The following CKAP5 variants were observed in gnomAD, a reference collection of about 807,000 sequenced individuals.
CKAP5 encodes the protein cytoskeleton-associated protein 5.
In CKAP5, 27 loss-of-function variants were observed where a neutral mutation model predicts 232.8. That is an observed-to-expected ratio of 0.12 (90% CI 0.09 to 0.16). The LOEUF is 0.16. CKAP5 is among the 10% of genes least tolerant of loss of function. CKAP5 has a pLI of 1.00. For missense variants in CKAP5, 1,838 were observed against 2,424.7 expected, an observed-to-expected ratio of 0.76 and a Z score of 5.08; for synonymous variants, 785 against 841.1, an observed-to-expected ratio of 0.93 and a Z score of 1.16.
chr11:46,767,206 G>A (rs1258196149), intron 27 of CKAP5, among the ~76,000 whole-genome samples: 2 of 152,130 alleles, frequency 1.3e-5, no homozygotes, highest in African/African-American at 4.8e-5. Flanking sequence ...TTTTAGGAGA[G>A]ACAGGGTTTC....
Position 46,770,828 on chromosome 11 carries a change from A to G in CKAP5, c.3146T>C (p.Leu1049Ser), listed in dbSNP as rs746654385. 4.3e-6 allele frequency: 7 copies of G among 1,614,076 alleles called. No homozygotes were observed. The highest frequency in any genetic ancestry group is 5.9e-6 in the Non-Finnish European group (7 of 1,180,014). ...AGCCTTGGCCATTTTTTCATATCCT[A>G]AATGCATCATGAAGAATGGCAAGGC... ...QDALPFFMMHLGYEKMAKATG... is the reference protein window; with the variant it reads ...QDALPFFMMHSGYEKMAKATG... The change falls in exon 25 of 44, where the codon TTA becomes TCA. Residue 1049 changes from leucine to serine, a missense_variant. Physicochemically the swap from Leu to Ser is moderately radical, Grantham distance 145. This residue lies in a region of CKAP5 where 767 missense variants were observed against 954.6 expected (regional missense o/e 0.80). Transcript: ENST00000529230.
At chr11:46,770,372 G>C (rs865878820) in intron 25 of CKAP5, 5 of 394,804 alleles carry the variant, frequency 1.3e-5, no homozygotes, top group South Asian at 4.8e-5. Context: ...TGCTTGTTAC[G>C]ATTTCAAATT....
chr11:46,797,742 T>C (rs1938913376), intron 11 of CKAP5, 63 bp downstream of exon 11: 2 of 1,487,764 alleles, frequency 1.3e-6, no homozygotes, highest in Non-Finnish European at 1.8e-6. Flanking sequence ...CTGTACATAA[T>C]TTGCAGGAAA....
intron 24 of CKAP5, among the ~76,000 whole-genome samples, chr11:46,771,636 G>T (rs1488234626): frequency 6.6e-6 from 1 of 152,130 alleles, no homozygotes; most frequent in East Asian, 1.9e-4. Context: ...CTACTGAAAG[G>T]TATCTGAACT....
At chr11:46,749,554 G>T (rs942992652) in intron 42 of CKAP5, among the ~76,000 whole-genome samples, 2 of 151,922 alleles carry the variant, frequency 1.3e-5, no homozygotes, top group Admixed American at 6.6e-5. Context: ...CTAAGCTGGA[G>T]ATTTAAATGT....
chr11:46,788,294 G>A (rs988542725), intron 16 of CKAP5, among the ~76,000 whole-genome samples: 2 of 152,244 alleles, frequency 1.3e-5, no homozygotes, highest in Non-Finnish European at 2.9e-5. Context: ...TCATTACCAA[G>A]CTGGGCGCGG....
chr11:46,845,320 A>T (rs1201683442), intron 1 of CKAP5, among the ~76,000 whole-genome samples: 1 of 152,166 alleles, frequency 6.6e-6, no homozygotes, highest in Non-Finnish European at 1.5e-5. Flanking sequence ...GCCACGCATA[A>T]ATTTGGGGCA....
intron 1 of CKAP5, among the ~76,000 whole-genome samples, chr11:46,844,774 TAGG>T (rs1373588647): frequency 2.6e-5 from 4 of 152,110 alleles, no homozygotes; most frequent in Admixed American, 6.5e-5. Flanking sequence ...CCCGAGTAGC[TAGG>T]ATTACAGGCG....
Position 46,795,560 on chromosome 11 carries a change from CT to C in CKAP5, c.1650+33del, listed in dbSNP as rs1938851969. 4 of 1,564,958 alleles carry C rather than the reference CT, an allele frequency of 2.6e-6. No individual in the cohort carries two copies. In the South Asian group the frequency reaches 4.7e-5, roughly 18 times the overall value. On this transcript the variant is annotated intron_variant, in intron 13 of 43. Coordinates refer to ENST00000529230, the MANE Select transcript of CKAP5 (RefSeq NM_001008938.4). ...CACGAACCTGAGACTCAGACCCTTC[CT>C]TACTAACTTCTATTTTTAAATAATC...
At chr11:46,761,764 T>C (rs2065156761) in intron 32 of CKAP5, among the ~76,000 whole-genome samples, 1 of 152,224 alleles carries the variant, frequency 6.6e-6, no homozygotes, top group Non-Finnish European at 1.5e-5. Flanking sequence ...AGCACTCATT[T>C]CTAAAGCAAA....
chr11:46,803,044 G>A (rs1312975935), intron 8 of CKAP5, among the ~76,000 whole-genome samples: 5 of 151,818 alleles, frequency 3.3e-5, no homozygotes, highest in South Asian at 4.2e-4. Flanking sequence ...TGGGAGGATC[G>A]CTTGAGCCCA....
At chr11:46,824,081 G>A (rs1211929326) in intron 1 of CKAP5, among the ~76,000 whole-genome samples, 3 of 152,096 alleles carry the variant, frequency 2.0e-5, no homozygotes, top group Non-Finnish European at 4.4e-5. Flanking sequence ...CAAATATTAA[G>A]TAACCTGCCA....
intron 9 of CKAP5, among the ~76,000 whole-genome samples, 184 bp downstream of exon 9, chr11:46,801,016 C>T (rs2134656373): frequency 6.6e-6 from 1 of 152,302 alleles, no homozygotes; most frequent in Non-Finnish European, 1.5e-5. Flanking sequence ...AATTTTGTTA[C>T]AACTGACATC....
intron 1 of CKAP5, among the ~76,000 whole-genome samples, chr11:46,840,591 T>C (rs1404811950): frequency 6.6e-6 from 1 of 152,228 alleles, no homozygotes; most frequent in Non-Finnish European, 1.5e-5. Flanking sequence ...CTCAAATTTA[T>C]TGCAATTAAA....
rs556348535 is a variant in CKAP5 at position 46,845,237 on chromosome 11, A to G, written c.-38+983T>C. On this transcript the variant is annotated intron_variant, in intron 1 of 43. Transcript: ENST00000529230. ...TTCTAAAAATGAGTTTTCAATTACT[A>G]TAATTATGCATAAGACAGGCAGCAT... Among the ~76,000 whole-genome samples, 8 of 152,328 alleles carry G rather than the reference A, an allele frequency of 5.3e-5. No homozygotes were observed. In the East Asian group the frequency reaches 1.3e-3, roughly 26 times the overall value.
chr11:46,829,596 A>ATATACAAAATAC (rs1939730173), intron 1 of CKAP5, among the ~76,000 whole-genome samples: 1 of 152,200 alleles, frequency 6.6e-6, no homozygotes, highest in African/African-American at 2.4e-5. Flanking sequence ...GTAAGAATAC[A>ATATACAAAATAC]ATATATAATA....
chr11:46,818,019 T>C (rs1939442979), intron 3 of CKAP5, among the ~76,000 whole-genome samples: 1 of 152,228 alleles, frequency 6.6e-6, no homozygotes. Flanking sequence ...CTCTTCCTTT[T>C]AGTTTAGAAT....
chr11:46,743,907 C>T lies in CKAP5; in HGVS notation c.*116G>A, dbSNP rs567257324. 249 of 1,307,292 alleles carry T rather than the reference C, an allele frequency of 1.9e-4. 2 individuals are homozygous for T. In the South Asian group the frequency reaches 2.8e-3, roughly 15 times the overall value. 81.0% of individuals were successfully genotyped at this position (1,307,292 alleles called of 1,614,324 possible). A position where few individuals can be genotyped will look rare whatever the true frequency, so the allele number is the denominator to read the frequency against. On this transcript the variant is annotated 3_prime_UTR_variant, in exon 44 of 44. Transcript: ENST00000529230. ...ACAATGACTCCTCCCCCTAGCTCCA[C>T]GGCATGATACATACAACCAGTTTGT...
chr11:46,831,343 T>G (rs1939787737), intron 1 of CKAP5, among the ~76,000 whole-genome samples: 1 of 152,228 alleles, frequency 6.6e-6, no homozygotes, highest in South Asian at 2.1e-4. Context: ...GGCTTGAAGT[T>G]GGATCATCTG....
Sources: gnomAD v4.1 joint callset for allele counts (sites outside exome capture counted in the v4.1 genomes callset) on GRCh38, gnomAD v4.1.1 for gene constraint, gnomAD v4.1.1 regional missense constraint, MANE v1.5 for transcripts, NCBI Gene and HGNC (gene_info 2026-07-23, HGNC 2026-07-21) for gene names.